The following PDE4DIP variants were observed in gnomAD, a reference collection of about 807,000 sequenced individuals.
The protein encoded by PDE4DIP is phosphodiesterase 4D interacting protein.
In PDE4DIP, 59 loss-of-function variants were observed where a neutral mutation model predicts 221.4. That is an observed-to-expected ratio of 0.27 (90% CI 0.22 to 0.33). The LOEUF is 0.33. PDE4DIP is among the 10% of genes least tolerant of loss of function. The pLI is 1.00. For synonymous variants in PDE4DIP, 404 were observed against 815.9 expected, an observed-to-expected ratio of 0.50 and a Z score of 8.60; for missense variants, 1,036 against 2,154.2, an observed-to-expected ratio of 0.48 and a Z score of 10.28.
chr1:149,029,149 C>A (rs1345209497), intron 41 of PDE4DIP, among the ~76,000 whole-genome samples: 1 of 152,204 alleles, frequency 6.6e-6, no homozygotes, highest in African/African-American at 2.4e-5. Context: ...GGAATCCCAA[C>A]ATACAACTTA....
At chr1:148,898,449 C>A (rs1553444349) in intron 1 of PDE4DIP, among the ~76,000 whole-genome samples, 1 of 118,596 alleles carries the variant, frequency 8.4e-6, no homozygotes, top group African/African-American at 3.2e-5. Context: ...AAAGGCCTTG[C>A]CAAGTGTTTG....
intron 1 of PDE4DIP, among the ~76,000 whole-genome samples, chr1:148,906,884 AC>A (rs1191944517): frequency 8.4e-5 from 12 of 143,400 alleles, no homozygotes; most frequent in African/African-American, 2.4e-4. Flanking sequence ...ACCTATCTGT[AC>A]TAAAAATACA....
chr1:148,989,326 C>T (rs1372759472), intron 21 of PDE4DIP: 1 of 887,230 alleles, frequency 1.1e-6, no homozygotes, highest in Non-Finnish European at 1.4e-6. Flanking sequence ...GAAACAAAAC[C>T]CCTGTGTGGC....
At chr1:149,019,505 A>C (rs1205276615) in intron 35 of PDE4DIP, 4 of 152,198 alleles carry the variant, frequency 2.6e-5, no homozygotes, top group Non-Finnish European at 5.9e-5. Context: ...AAGATTTGAG[A>C]GGAAAGGTCA....
At chr1:149,013,781 CTTTTTTTT>C (rs71582768) in intron 32 of PDE4DIP, among the ~76,000 whole-genome samples, 16 of 31,942 alleles carry the variant, frequency 5.0e-4, no homozygotes, top group African/African-American at 2.0e-3. Context: ...CCTTCTTCCT[CTTTTTTTT>C]TTTTTTTTTT....
rs1383939436 is a variant in PDE4DIP at position 148,922,654 on chromosome 1, C to G, written c.142-6543C>G. On this transcript the variant is annotated intron_variant, in intron 1 of 43. Transcript: ENST00000369354. ...CCGGGCTGGAGTGCAGTGGCGCGATCTCAGCGCATTGCAAGCTCCGACTCC... is the reference window on the plus strand; with the variant it reads ...CCGGGCTGGAGTGCAGTGGCGCGATGTCAGCGCATTGCAAGCTCCGACTCC... Among the ~76,000 whole-genome samples, 5 of 149,090 alleles carry G rather than the reference C, an allele frequency of 3.4e-5. 1 individual carries two copies. The highest frequency in any genetic ancestry group is 7.4e-5 in the Non-Finnish European group (5 of 67,428).
At chr1:149,013,196 G>A (rs2069177166) in intron 32 of PDE4DIP, among the ~76,000 whole-genome samples, 1 of 152,138 alleles carries the variant, frequency 6.6e-6, no homozygotes, top group Non-Finnish European at 1.5e-5. Context: ...TTTCTGCTGT[G>A]AAATGCTGTT....
chr1:149,009,645 C>T (rs1275475790), exon 30 of PDE4DIP: 3 of 1,614,064 alleles, frequency 1.9e-6, no homozygotes, highest in Middle Eastern at 1.6e-4. Flanking sequence ...TCCCTCACAC[C>T]CTCCAGCAGC....
intron 1 of PDE4DIP, among the ~76,000 whole-genome samples, chr1:148,911,812 G>C (rs1388415876): frequency 6.7e-6 from 1 of 148,522 alleles, no homozygotes. Flanking sequence ...GGCTGTCCAG[G>C]GTTCCTTGAA....
intron 2 of PDE4DIP, chr1:148,929,747 C>T (rs1313713244): frequency 6.5e-6 from 1 of 153,660 alleles, no homozygotes; most frequent in African/African-American, 2.4e-5. Flanking sequence ...TTTGATCAAA[C>T]AATCCCGAGA....
chr1:149,016,237 C>T, intron 32 of PDE4DIP, 62 bp from the exon 36 acceptor site: 1 of 1,464,716 alleles, frequency 6.8e-7, no homozygotes, highest in East Asian at 2.3e-5. Flanking sequence ...TCACACACTT[C>T]CTTGCAAATT....
intron 5 of PDE4DIP, among the ~76,000 whole-genome samples, chr1:148,951,414 G>C (rs1161405664): frequency 6.6e-6 from 1 of 151,422 alleles, no homozygotes; most frequent in Non-Finnish European, 1.5e-5. Flanking sequence ...TCTAAGTTTT[G>C]GACCCAAGGG....
chr1:148,980,433 T>C (rs782525531), intron 20 of PDE4DIP, among the ~76,000 whole-genome samples: 17 of 152,158 alleles, frequency 1.1e-4, no homozygotes, highest in Non-Finnish European at 1.8e-4. Context: ...GGCACTGATA[T>C]TCATTTAATA....
intron 1 of PDE4DIP, among the ~76,000 whole-genome samples, chr1:148,821,068 G>A (rs1669081084): frequency 1.3e-5 from 2 of 149,770 alleles, no homozygotes. Context: ...AGCCAGGATG[G>A]TCTCGATCTC....
At position 148,822,417 on chromosome 1, in the gene PDE4DIP, A is replaced by G. The variant is rs1249978258; in HGVS notation, c.233+13680A>G. Among the ~76,000 whole-genome samples, 775 of 137,044 alleles carry G rather than the reference A, an allele frequency of 5.7e-3. 5 individuals are homozygous for G. The highest frequency in any genetic ancestry group is 0.011 in the African/African-American group (436 of 38,150). The allele number at this position is 137,044 out of a possible 152,430, so 89.9% of individuals were successfully genotyped here. On this transcript the variant is annotated intron_variant, in intron 1 of 45. Transcript: ENST00000524974. The stretch of plus-strand genomic sequence containing the variant: ...TGTCGATCAGCAGACCAGCAGCTGC[A>G]TTCAATTCTCATAGGAACGGGAACC...
intron 1 of PDE4DIP, among the ~76,000 whole-genome samples, chr1:148,861,345 A>G (rs587648874): frequency 0.011 from 126 of 11,686 alleles, 3 homozygotes; most frequent in Middle Eastern, 0.026. Context: ...TTTTAAAAAG[A>G]GAAGTCCTGT....
At position 149,025,483 on chromosome 1, in the gene PDE4DIP, G is replaced by A. The variant is rs587606201; in HGVS notation, c.6325+799G>A. 1.5e-3 allele frequency among the ~76,000 whole-genome samples: 232 copies of A among 152,250 alleles called. 1 individual carries two copies. The highest frequency in any genetic ancestry group is 6.8e-3 in the Middle Eastern group (2 of 294). On this transcript the variant is annotated intron_variant, in intron 38 of 43. Transcript: ENST00000369354. ...CCCTTGCCTGCCTTTTCAGATAGGC[G>A]TGTTTGACCAGGTCCCCCTTCTCAA...
At chr1:148,944,272 G>A (rs2051122617) in intron 5 of PDE4DIP, among the ~76,000 whole-genome samples, 1 of 152,302 alleles carries the variant, frequency 6.6e-6, no homozygotes, top group East Asian at 1.9e-4. Context: ...ATAGGTGGAG[G>A]TGGTAGTGAT....
chr1:149,022,912 GTGC>G (rs2073521394), intron 37 of PDE4DIP, among the ~76,000 whole-genome samples: 1 of 151,870 alleles, frequency 6.6e-6, no homozygotes, highest in South Asian at 2.1e-4. Flanking sequence ...CTAATATAAG[GTGC>G]TATTGGGAAG....
Sources: allele counts gnomAD v4.1 joint callset (sites outside exome capture counted in the v4.1 genomes callset), GRCh38; gene constraint gnomAD v4.1.1; transcripts MANE v1.5; gene names NCBI Gene and HGNC (gene_info 2026-07-23, HGNC 2026-07-21).